The following SRGAP3 variants were observed in gnomAD, a reference collection of about 807,000 sequenced individuals.
The protein encoded by SRGAP3 is SLIT-ROBO Rho GTPase-activating protein 3.
SRGAP3 carries 39 observed loss-of-function variants against 121.1 expected under a neutral mutation model. That is an observed-to-expected ratio of 0.32 (90% CI 0.25 to 0.42). The LOEUF is 0.42. SRGAP3 is among the 10% of genes least tolerant of loss of function. The probability of loss-of-function intolerance (pLI) is 1.00; values close to 1 mark genes in which losing one functional copy is unlikely to be tolerated. For missense variants in SRGAP3, 1,213 were observed against 1,470.6 expected (o/e 0.82, Z 2.86); for synonymous variants, 601 against 570.0 (o/e 1.05, Z -0.77).
intron 1 of SRGAP3, among the ~76,000 whole-genome samples, chr3:9,185,790 G>A (rs1408443099): frequency 1.3e-5 from 2 of 151,998 alleles, no homozygotes; most frequent in African/African-American, 4.8e-5. Flanking sequence ...TCCCACCTCG[G>A]CTTCCCAAAG....
In SRGAP3 at chr3:9,073,341, T is replaced by A. The variant is rs572957844; in HGVS notation, c.486+6684A>T. 3.3e-5 allele frequency among the ~76,000 whole-genome samples: 5 copies of A among 152,270 alleles called. No homozygotes were observed. In the South Asian group the frequency reaches 1.0e-3, roughly 32 times the overall value. On this transcript the variant is annotated intron_variant, in intron 4 of 21. Coordinates refer to ENST00000383836, the MANE Select transcript of SRGAP3 (RefSeq NM_014850.4). ...TGTATTTTTTGTAGAGAGAGGGTTT[T>A]GCCACGTTGCCCAGGCTGGTCTTGA...
chr3:9,145,860 GT>G (rs1158997470), intron 1 of SRGAP3, among the ~76,000 whole-genome samples: 3 of 152,226 alleles, frequency 2.0e-5, no homozygotes, highest in Non-Finnish European at 4.4e-5. Flanking sequence ...GAGGGATATG[GT>G]GAGTGGGCAA....
At chr3:9,180,745 TC>T (rs1951363604) in intron 1 of SRGAP3, among the ~76,000 whole-genome samples, 1 of 152,230 alleles carries the variant, frequency 6.6e-6, no homozygotes, top group Non-Finnish European at 1.5e-5. Context: ...CTTTACCCTG[TC>T]TGAATGCAGC....
At chr3:9,032,515 G>C in intron 12 of SRGAP3, 135 bp downstream of exon 12, 1 of 810,166 alleles carries the variant, frequency 1.2e-6, no homozygotes, top group Non-Finnish European at 2.1e-6. Flanking sequence ...CTGAAGCTAA[G>C]AGCAGGCTGC....
intron 3 of SRGAP3, among the ~76,000 whole-genome samples, chr3:9,288,130 G>GTTTTT (rs57076828): frequency 1.4e-4 from 17 of 119,080 alleles, no homozygotes; most frequent in Non-Finnish European, 2.4e-4. Flanking sequence ...TTCTATCTTT[G>GTTTTT]TTTTTTTTTT....
intron 2 of SRGAP3, chr3:9,330,472 C>A: frequency 6.3e-6 from 1 of 157,520 alleles, no homozygotes. Flanking sequence ...AGCTTAGCAC[C>A]CACGATCCCC....
intron 1 of SRGAP3, among the ~76,000 whole-genome samples, chr3:9,163,695 C>G (rs1227061265): frequency 2.6e-5 from 4 of 152,196 alleles, no homozygotes; most frequent in Non-Finnish European, 5.9e-5. Flanking sequence ...CTGCTCCATA[C>G]TCCTAGCTGC....
intron 4 of SRGAP3, among the ~76,000 whole-genome samples, chr3:9,074,455 C>A (rs1320014038): frequency 1.3e-5 from 2 of 152,208 alleles, no homozygotes; most frequent in Non-Finnish European, 2.9e-5. Context: ...CTGTGCTCTT[C>A]CAGCACGCAG....
intron 1 of SRGAP3, among the ~76,000 whole-genome samples, chr3:9,185,288 C>T (rs954281162): frequency 6.6e-6 from 1 of 152,186 alleles, no homozygotes; most frequent in African/African-American, 2.4e-5. Flanking sequence ...CACACTGAGC[C>T]TCTCTATCCC....
At chr3:9,163,910 C>G (rs947847331) in intron 1 of SRGAP3, among the ~76,000 whole-genome samples, 66 of 151,666 alleles carry the variant, frequency 4.4e-4, no homozygotes, top group African/African-American at 1.5e-3. Flanking sequence ...CCATTGAATG[C>G]GCACCCACTA....
intron 2 of SRGAP3, among the ~76,000 whole-genome samples, chr3:9,329,331 G>GA (rs1430541536): frequency 6.6e-6 from 1 of 152,128 alleles, no homozygotes; most frequent in African/African-American, 2.4e-5. Context: ...TCCTTTCCCT[G>GA]AGGGGCCCCA....
At chr3:9,025,186 TG>T in intron 14 of SRGAP3, 74 bp downstream of exon 14, 1 of 1,520,154 alleles carries the variant, frequency 6.6e-7, no homozygotes, top group Non-Finnish European at 9.1e-7. Context: ...TGCACACCAC[TG>T]GCTCTGAGAC....
chr3:9,149,854 C>T (rs1355164687), intron 1 of SRGAP3, among the ~76,000 whole-genome samples: 2 of 152,168 alleles, frequency 1.3e-5, no homozygotes, highest in Non-Finnish European at 2.9e-5. Flanking sequence ...AGCTAACAGG[C>T]TCAAACCACC....
chr3:9,179,806 G>A (rs1356504371), intron 1 of SRGAP3, among the ~76,000 whole-genome samples: 1 of 152,258 alleles, frequency 6.6e-6, no homozygotes, highest in South Asian at 2.1e-4. Flanking sequence ...AGACCTGACT[G>A]TGAAGACGTA....
intron 4 of SRGAP3, among the ~76,000 whole-genome samples, chr3:9,072,479 G>A (rs1426744036): frequency 1.3e-5 from 2 of 152,228 alleles, no homozygotes; most frequent in Non-Finnish European, 2.9e-5. Flanking sequence ...GTTACCTAGA[G>A]GGAAACCTCT....
At chr3:9,096,861 C>A (rs1947986594) in intron 3 of SRGAP3, among the ~76,000 whole-genome samples, 1 of 140,378 alleles carries the variant, frequency 7.1e-6, no homozygotes, top group African/African-American at 2.6e-5. Flanking sequence ...AAATAATCAT[C>A]CTAATAATAG....
At chr3:9,324,525 C>T (rs980315955) in intron 3 of SRGAP3, among the ~76,000 whole-genome samples, 1 of 151,910 alleles carries the variant, frequency 6.6e-6, no homozygotes, top group Non-Finnish European at 1.5e-5. Flanking sequence ...GTTCTAGGAT[C>T]TATGTTTCTT....
intron 1 of SRGAP3, among the ~76,000 whole-genome samples, chr3:9,349,506 TG>T (rs2125293945): frequency 6.6e-6 from 1 of 152,318 alleles, no homozygotes; most frequent in Non-Finnish European, 1.5e-5. Context: ...TAAGGATTTG[TG>T]GGGAGGAACC....
At chr3:9,187,248 G>A (rs1251022148) in intron 1 of SRGAP3, among the ~76,000 whole-genome samples, 2 of 151,990 alleles carry the variant, frequency 1.3e-5, no homozygotes, top group Admixed American at 1.3e-4. Context: ...TTGTCCCTCA[G>A]CAAAAAGTTT....
Sources: allele counts gnomAD v4.1 joint callset (sites outside exome capture counted in the v4.1 genomes callset), GRCh38; gene constraint gnomAD v4.1.1; transcripts MANE v1.5; gene names NCBI Gene and HGNC (gene_info 2026-07-23, HGNC 2026-07-21).